Variants in PPP2R2D observed in about 807,000 individuals in gnomAD.
The protein encoded by PPP2R2D is protein phosphatase 2 regulatory subunit Bdelta, also known as serine/threonine-protein phosphatase 2A 55 kDa regulatory subunit B delta isoform.
A neutral mutation model predicts 31.1 loss-of-function variants in PPP2R2D; 9 were observed. The observed-to-expected ratio is 0.29, with a 90% CI of 0.17 to 0.51. The LOEUF (loss-of-function observed/expected upper bound fraction) is 0.51. Among genes scored for constraint, PPP2R2D ranks in the 20% least tolerant of loss-of-function variants. The pLI is 0.98. For synonymous variants in PPP2R2D, 179 were observed against 172.6 expected (o/e 1.04, Z -0.29); for missense variants, 391 against 465.6 (o/e 0.84, Z 1.48).
intron 3 of PPP2R2D, among the ~76,000 whole-genome samples, chr10:131,937,254 T>G (rs927634938): frequency 9.9e-5 from 15 of 152,134 alleles, no homozygotes; most frequent in Non-Finnish European, 1.5e-5. Context: ...AGTTTCAAGC[T>G]TTTCTTACTT....
At chr10:131,950,373 A>C (rs1441320418) in intron 8 of PPP2R2D, among the ~76,000 whole-genome samples, 1 of 152,172 alleles carries the variant, frequency 6.6e-6, no homozygotes. Flanking sequence ...GCAGGACACC[A>C]AACGCAAAGA....
At chr10:131,964,918 G>A in the PPP2R2D span, among the ~76,000 whole-genome samples, 22 of 151,960 alleles carry the variant, frequency 1.4e-4, no homozygotes, top group Non-Finnish European at 2.1e-4. Flanking sequence ...ACCCTCTTCC[G>A]TTTTCCATCT....
At chr10:131,920,586 T>C (rs1446623853) in intron 2 of PPP2R2D, among the ~76,000 whole-genome samples, 2 of 152,238 alleles carry the variant, frequency 1.3e-5, no homozygotes, top group African/African-American at 2.4e-5. Flanking sequence ...CAGAATTAGA[T>C]GTGGATTTTT....
chr10:131,920,566 CT>C (rs1300910095), intron 2 of PPP2R2D, among the ~76,000 whole-genome samples: 2 of 152,186 alleles, frequency 1.3e-5, no homozygotes, highest in Non-Finnish European at 2.9e-5. Flanking sequence ...AATTTCATTC[CT>C]TTTTTTGGCA....
At position 131,956,373 on chromosome 10, in the gene PPP2R2D, G is replaced by A. The variant is rs966061237; in HGVS notation, c.*410G>A. Reference sequence around the variant, plus strand: ...ACACTTGGGCCTTCACTGCAGCGTGGTGTGGCCACCGTCCGTGTCCTCTCG... The same window carrying A: ...ACACTTGGGCCTTCACTGCAGCGTGATGTGGCCACCGTCCGTGTCCTCTCG... On this transcript the variant is annotated 3_prime_UTR_variant, in exon 9 of 9. Coordinates refer to ENST00000455566, the MANE Select transcript of PPP2R2D (RefSeq NM_018461.5). 2.4e-5 allele frequency: 24 copies of A among 986,706 alleles called. No individual in the cohort carries two copies. The highest frequency in any genetic ancestry group is 2.9e-5 in the Non-Finnish European group (24 of 830,970). 61.1% of individuals were successfully genotyped at this position (986,706 alleles called of 1,614,324 possible). A position where few individuals can be genotyped will look rare whatever the true frequency, so the allele number is the denominator to read the frequency against.
intron 8 of PPP2R2D, among the ~76,000 whole-genome samples, chr10:131,949,330 A>G (rs2036599687): frequency 6.6e-6 from 1 of 152,122 alleles, no homozygotes; most frequent in African/African-American, 2.4e-5. Flanking sequence ...ACATGACCTC[A>G]TTCCTCAAGG....
chr10:131,935,349 G>C (rs1269935470), intron 3 of PPP2R2D, among the ~76,000 whole-genome samples: 1 of 152,214 alleles, frequency 6.6e-6, no homozygotes, highest in Non-Finnish European at 1.5e-5. Flanking sequence ...TCCTGTCTCT[G>C]AGTTTCCTAA....
intron 8 of PPP2R2D, among the ~76,000 whole-genome samples, chr10:131,952,723 C>CGG (rs1554899110): frequency 1.6e-5 from 1 of 64,022 alleles, no homozygotes. Flanking sequence ...TGCGGGTGTG[C>CGG]GGGGTTCACT....
At chr10:131,924,652 C>T (rs2036065344) in intron 2 of PPP2R2D, among the ~76,000 whole-genome samples, 2 of 151,268 alleles carry the variant, frequency 1.3e-5, no homozygotes, top group Non-Finnish European at 2.9e-5. Flanking sequence ...TTCTGAGTCC[C>T]TTGCACTTCC....
At chr10:131,939,644 G>T (rs2036405482) in intron 3 of PPP2R2D, 1 of 154,876 alleles carries the variant, frequency 6.5e-6, no homozygotes, top group Non-Finnish European at 1.4e-5. Context: ...GCTGCATTCA[G>T]CAGACCTGCT....
At chr10:131,904,976 A>G (rs1023486463) in intron 2 of PPP2R2D, among the ~76,000 whole-genome samples, 2 of 117,890 alleles carry the variant, frequency 1.7e-5, no homozygotes, top group East Asian at 4.9e-4. Flanking sequence ...TTTGATGCGC[A>G]CCCCACCCCC....
chr10:131,944,781 A>G (rs2036505031), intron 6 of PPP2R2D, among the ~76,000 whole-genome samples: 1 of 152,210 alleles, frequency 6.6e-6, no homozygotes, highest in Non-Finnish European at 1.5e-5. Context: ...ATTGGCCCAC[A>G]GCTGAATTCT....
intron 2 of PPP2R2D, among the ~76,000 whole-genome samples, chr10:131,917,341 G>A (rs868952565): frequency 2.0e-3 from 175 of 87,660 alleles, no homozygotes; most frequent in Middle Eastern, 0.024. Context: ...AGGCGGGTGG[G>A]ATGACACAGT....
At chr10:131,970,793 G>A in the PPP2R2D span, 1 of 1,614,234 alleles carries the variant, frequency 6.2e-7, no homozygotes, top group South Asian at 1.1e-5. The surrounding 1 kb of genome is among the most constrained non-coding windows in gnomAD (Gnocchi z 4.1). Context: ...ACTCCCTGAG[G>A]CGGGAAGAAA....
intron 2 of PPP2R2D, among the ~76,000 whole-genome samples, chr10:131,918,742 CAG>C (rs1341220551): frequency 7.1e-6 from 1 of 140,310 alleles, no homozygotes; most frequent in Non-Finnish European, 1.5e-5. Flanking sequence ...TGGAATGACA[CAG>C]TGTTTGTAGG....
chr10:131,955,373 CTG>C (rs1295266566), intron 8 of PPP2R2D, among the ~76,000 whole-genome samples: 2 of 152,150 alleles, frequency 1.3e-5, no homozygotes, highest in Admixed American at 6.5e-5. Context: ...TAAAAATAAA[CTG>C]TGCTGTTATT....
rs1274494771 is a variant in PPP2R2D at position 131,945,078 on chromosome 10, C to T, written c.656-217C>T. On this transcript the variant is annotated intron_variant, in intron 6 of 8. Transcript: ENST00000455566. This position sits in a 1 kb window ranked among gnomAD's most constrained non-coding sequence, Gnocchi z 4.8. ...AAGCGGTGTTCGCTTGTCTGTGTCT[C>T]CCCCTGGGCCGGGGCGTTGCTGTAG... Among the ~76,000 whole-genome samples the T allele has an allele frequency of 2.6e-5, 4 of 152,148 alleles. No homozygotes were observed. The highest frequency in any genetic ancestry group is 6.5e-5 in the Admixed American group (1 of 15,278).
chr10:131,933,090 T>G (rs1157693167), intron 2 of PPP2R2D, among the ~76,000 whole-genome samples: 1 of 152,200 alleles, frequency 6.6e-6, no homozygotes, highest in Non-Finnish European at 1.5e-5. Context: ...TTTCAGTAAT[T>G]TAATAGTGAC....
At chr10:131,919,840 CAGGT>C (rs1224697936) in intron 2 of PPP2R2D, among the ~76,000 whole-genome samples, 2 of 135,400 alleles carry the variant, frequency 1.5e-5, no homozygotes, top group Non-Finnish European at 3.2e-5. Context: ...GTAGGGACCT[CAGGT>C]GGGTGGAATG....
Sources: gnomAD v4.1 joint callset for allele counts (sites outside exome capture counted in the v4.1 genomes callset) on GRCh38, gnomAD v4.1.1 for gene constraint, Gnocchi (gnomAD v3.1) non-coding constraint, MANE v1.5 for transcripts, NCBI Gene and HGNC (gene_info 2026-07-23, HGNC 2026-07-21) for gene names.